The following KCNB2 variants were observed in gnomAD, a reference collection of about 807,000 sequenced individuals.
KCNB2 encodes potassium voltage-gated channel subfamily B member 2, also known as delayed rectifier potassium channel protein.
Under a neutral mutation model 61.5 loss-of-function variants are expected in KCNB2, and 15 were observed. That is an observed-to-expected ratio of 0.24 (90% CI 0.16 to 0.38). The LOEUF is 0.38. Ranked by LOEUF, KCNB2 falls within the 10% of genes least tolerant of loss-of-function variation. The pLI is 1.00. For missense variants in KCNB2, 828 were observed against 1,125.2 expected (o/e 0.74, Z 3.78); for synonymous variants, 457 against 446.0 (o/e 1.02, Z -0.31).
At chr8:72,547,501 A>G (rs1806276411) in intron 1 of KCNB2, among the ~76,000 whole-genome samples, 1 of 152,236 alleles carries the variant, frequency 6.6e-6, no homozygotes. Flanking sequence ...TCAAAATATC[A>G]ACATTAACAG....
intron 2 of KCNB2, among the ~76,000 whole-genome samples, chr8:72,579,615 C>T (rs1478235592): frequency 6.6e-6 from 1 of 152,192 alleles, no homozygotes; most frequent in Non-Finnish European, 1.5e-5. Flanking sequence ...GCTGGTTTTA[C>T]TTTCCGCTTT....
intron 2 of KCNB2, among the ~76,000 whole-genome samples, chr8:72,761,831 T>G (rs761239018): frequency 6.6e-6 from 1 of 152,184 alleles, no homozygotes; most frequent in Non-Finnish European, 1.5e-5. Context: ...TCTCCACTGC[T>G]GACAGCCTGT....
At chr8:72,750,724 T>C (rs1165457871) in intron 2 of KCNB2, 1 of 152,174 alleles carries the variant, frequency 6.6e-6, no homozygotes, top group Non-Finnish European at 1.5e-5. Flanking sequence ...TTTTCTTCCA[T>C]AATTAGTTCC....
intron 1 of KCNB2, among the ~76,000 whole-genome samples, chr8:72,565,033 G>A (rs1310515510): frequency 2.0e-5 from 3 of 151,930 alleles, no homozygotes; most frequent in Admixed American, 1.3e-4. Flanking sequence ...TTATTTTGTA[G>A]ATTAGAAAAT....
intron 2 of KCNB2, among the ~76,000 whole-genome samples, chr8:72,889,075 A>G (rs1033700961): frequency 1.8e-4 from 27 of 152,280 alleles, no homozygotes; most frequent in Admixed American, 1.6e-3. Context: ...CACTCTCTGA[A>G]GGACTTTCCC....
At position 72,929,293 on chromosome 8, in the gene KCNB2, C is replaced by T. The variant is rs946326244; in HGVS notation, c.580-6642C>T. ...TTGAGGCAAGTCTCCGGCTGCTTTA[C>T]TTCCTCCCACAAACAGAAATCAATA... On this transcript the variant is annotated intron_variant, in intron 2 of 2. Transcript: ENST00000523207. Among the ~76,000 whole-genome samples, 61 of 152,206 alleles carry T rather than the reference C, an allele frequency of 4.0e-4. 2 individuals are homozygous for T. Among genetic ancestry groups the T allele is most frequent in the Admixed American group, 6.5e-5 (1 of 15,280 alleles).
At chr8:72,562,207 C>T (rs959408975) in intron 1 of KCNB2, among the ~76,000 whole-genome samples, 1 of 152,004 alleles carries the variant, frequency 6.6e-6, no homozygotes, top group African/African-American at 2.4e-5. Context: ...TGTGACTTAC[C>T]CTGCCTGGCT....
chr8:72,724,925 T>A (rs970388270), intron 2 of KCNB2, among the ~76,000 whole-genome samples: 1 of 152,130 alleles, frequency 6.6e-6, no homozygotes, highest in Non-Finnish European at 1.5e-5. Context: ...AGAGAAATGG[T>A]TTAGTTTTGA....
At chr8:72,875,372 G>C (rs903811225) in intron 2 of KCNB2, among the ~76,000 whole-genome samples, 1 of 152,090 alleles carries the variant, frequency 6.6e-6, no homozygotes, top group Non-Finnish European at 1.5e-5. Context: ...CTGGCAGCCC[G>C]CTCCACAAAC....
chr8:72,799,924 T>C (rs1809095810), intron 2 of KCNB2, among the ~76,000 whole-genome samples: 1 of 152,130 alleles, frequency 6.6e-6, no homozygotes, highest in Non-Finnish European at 1.5e-5. Flanking sequence ...TTGGGGTGCT[T>C]TCTGGCAAGG....
intron 2 of KCNB2, among the ~76,000 whole-genome samples, chr8:72,668,592 C>G (rs1027610166): frequency 9.9e-5 from 15 of 152,176 alleles, no homozygotes; most frequent in African/African-American, 3.6e-4. Flanking sequence ...GGCCAGTGTC[C>G]TGTGTGCCTC....
At chr8:72,548,656 T>TTTTTTTC (rs984668205) in intron 1 of KCNB2, among the ~76,000 whole-genome samples, 6 of 152,356 alleles carry the variant, frequency 3.9e-5, no homozygotes, top group African/African-American at 1.4e-4. Context: ...TCATTGGGTT[T>TTTTTTTC]TTTTTTCTTT....
At chr8:72,725,577 A>ATGTATGTG (rs1397992108) in intron 2 of KCNB2, among the ~76,000 whole-genome samples, 20 of 65,706 alleles carry the variant, frequency 3.0e-4, no homozygotes, top group African/African-American at 1.5e-3. Context: ...ATATATATGT[A>ATGTATGTG]TATATATATG....
chr8:72,935,967 G>T lies in KCNB2; in HGVS notation c.612G>T (p.Val204=). The T allele has an allele frequency of 6.2e-7, 1 of 1,614,078 alleles. No individual in the cohort carries two copies. The highest frequency in any genetic ancestry group is 8.5e-7 in the Non-Finnish European group (1 of 1,179,970). The change falls in exon 3 of 3, where the codon GTG becomes GTT. Residue 204 remains valine (V), a synonymous_variant. Coordinates refer to ENST00000523207, the MANE Select transcript of KCNB2 (RefSeq NM_004770.3). ...ILAIVSILFI[V]LSTIALSLNT... The stretch of plus-strand genomic sequence containing the variant: ...CCATCGTGTCTATCCTGTTCATTGT[G>T]CTTTCCACCATTGCTTTGTCTCTCA...
intron 2 of KCNB2, among the ~76,000 whole-genome samples, chr8:72,651,384 C>T (rs547726957): frequency 7.2e-5 from 11 of 152,224 alleles, no homozygotes; most frequent in Admixed American, 2.0e-4. Flanking sequence ...TCAAAAGTTG[C>T]ATTTCAATTA....
intron 2 of KCNB2, among the ~76,000 whole-genome samples, chr8:72,888,201 C>T (rs1033190369): frequency 2.6e-5 from 4 of 152,152 alleles, no homozygotes; most frequent in Admixed American, 2.6e-4. Context: ...CTCCTGGCCT[C>T]AGGTGATTCT....
rs572353304 is a variant in KCNB2 at position 72,537,800 on chromosome 8, G to A, written c.-179G>A. On this transcript the variant is annotated 5_prime_UTR_variant, in exon 1 of 3. Coordinates refer to ENST00000523207, the MANE Select transcript of KCNB2 (RefSeq NM_004770.3). The stretch of plus-strand genomic sequence containing the variant: ...GGCGAAGGGGATCGTCGCGGGGAGA[G>A]GCTCCCCGGAGGGAGCGGGGAATCC... 219 of 152,312 alleles carry A rather than the reference G, an allele frequency of 1.4e-3. No individual in the cohort carries two copies. The highest frequency in any genetic ancestry group is 5.2e-3 in the African/African-American group (214 of 41,550). 9.4% of individuals were successfully genotyped at this position (152,312 alleles called of 1,614,324 possible). A position where few individuals can be genotyped will look rare whatever the true frequency, so the allele number is the denominator to read the frequency against.
intron 2 of KCNB2, chr8:72,750,613 G>A (rs1256928333): frequency 6.6e-6 from 1 of 152,070 alleles, no homozygotes; most frequent in Admixed American, 6.5e-5. Flanking sequence ...CCTTAGTAAG[G>A]TCATTACAGC....
At chr8:72,623,418 A>G (rs1163752338) in intron 2 of KCNB2, among the ~76,000 whole-genome samples, 2 of 152,208 alleles carry the variant, frequency 1.3e-5, no homozygotes, top group African/African-American at 4.8e-5. Flanking sequence ...CATCAAGGAC[A>G]GAGTGGGGAA....
Sources: allele counts gnomAD v4.1 joint callset (sites outside exome capture counted in the v4.1 genomes callset), GRCh38; gene constraint gnomAD v4.1.1; transcripts MANE v1.5; gene names NCBI Gene and HGNC (gene_info 2026-07-23, HGNC 2026-07-21).